The following MEGF6 variants were observed in gnomAD, a reference collection of about 807,000 sequenced individuals.
MEGF6 encodes multiple epidermal growth factor-like domains protein 6.
MEGF6 carries 184 observed loss-of-function variants against 207.1 expected under a neutral mutation model. The observed-to-expected ratio is 0.89, with a 90% confidence interval of 0.79 to 1.00. The LOEUF (loss-of-function observed/expected upper bound fraction) is 1.00, where lower values mean the gene tolerates loss of function less well. Ranked by LOEUF, MEGF6 falls within the 50% of genes least tolerant of loss-of-function variation. The pLI, the probability that MEGF6 is intolerant of heterozygous loss-of-function variation, is 0.00. For synonymous variants in MEGF6, 1,038 were observed against 910.0 expected, an observed-to-expected ratio of 1.14 and a Z score of -2.53; for missense variants, 2,282 against 2,202.9, an observed-to-expected ratio of 1.04 and a Z score of -0.72.
chr1:3,535,544 C>T (rs955976701), intron 4 of MEGF6, among the ~76,000 whole-genome samples: 1 of 152,200 alleles, frequency 6.6e-6, no homozygotes, highest in African/African-American at 2.4e-5. Flanking sequence ...GGGAGTCCCC[C>T]GCTTCTGCTC....
rs764133938 is a variant in MEGF6 at position 3,611,288 on chromosome 1, T to A, written c.-20A>T. Reference sequence around the variant, plus strand: ...CGACATCGTGCGCGCCGGTGCCTCCTCCGCTCTCCGGCTCACAGGCGGCCC... The same window carrying A: ...CGACATCGTGCGCGCCGGTGCCTCCACCGCTCTCCGGCTCACAGGCGGCCC... On this transcript the variant is annotated 5_prime_UTR_variant, in exon 1 of 37. Transcript: ENST00000356575. 2.8e-6 allele frequency: 4 copies of A among 1,437,888 alleles called. No individual in the cohort carries two copies. Among genetic ancestry groups the A allele is most frequent in the Non-Finnish European group, 3.6e-6 (4 of 1,102,358 alleles). The allele number at this position is 1,437,888 out of a possible 1,614,324, so 89.1% of individuals were successfully genotyped here.
chr1:3,522,178 G>A (rs1641775492), intron 5 of MEGF6, among the ~76,000 whole-genome samples: 2 of 152,310 alleles, frequency 1.3e-5, no homozygotes, highest in Admixed American at 6.5e-5. Flanking sequence ...GAGAAGGTGC[G>A]CTCCGAGGTC....
upstream of MEGF6, among the ~76,000 whole-genome samples, chr1:3,612,241 G>C (rs934959993): frequency 6.6e-6 from 1 of 151,468 alleles, no homozygotes; most frequent in Admixed American, 6.6e-5. Flanking sequence ...GGGTGGGCGC[G>C]GGGTCCCAGC....
chr1:3,499,600 G>C lies in MEGF6; in HGVS notation c.2953C>G (p.Arg985Gly), dbSNP rs748512126. 6.3e-7 allele frequency: 1 copy of C among 1,580,842 alleles called. No homozygotes were observed. The highest frequency in any genetic ancestry group is 1.2e-5 in the South Asian group (1 of 86,750). ...CLCPAGRRGP[R>G]CAETCPAHTY... ...GGACCTCACGCACTCTCGGCACAGC[G>C]GGGGCCCCGGCGGCCAGCGGGGCAG... The change falls in exon 23 of 37, where the codon CGC (arginine) becomes GGC (glycine). Residue 985 changes from arginine (R) to glycine (G), a missense_variant. Arg to Gly is a moderately radical substitution (Grantham distance 125). Coordinates refer to ENST00000356575, the MANE Select transcript of MEGF6 (RefSeq NM_001409.4).
intron 13 of MEGF6, 25 bp from the exon 14 acceptor site, chr1:3,507,948 C>A: frequency 6.2e-7 from 1 of 1,602,562 alleles, no homozygotes; most frequent in South Asian, 1.1e-5. Flanking sequence ...AGGGAAGCGT[C>A]AGGGTCACCA....
At chr1:3,608,357 T>C (rs148549527) in intron 1 of MEGF6, among the ~76,000 whole-genome samples, 1 of 152,110 alleles carries the variant, frequency 6.6e-6, no homozygotes, top group Non-Finnish European at 1.5e-5. Context: ...GTGAAACTCA[T>C]GGCCCTAAGG....
the MEGF6 span, among the ~76,000 whole-genome samples, chr1:3,621,381 C>A: frequency 6.6e-6 from 1 of 152,232 alleles, no homozygotes; most frequent in African/African-American, 2.4e-5. Context: ...TCGCACTTGT[C>A]TTCTGGTCAC....
chr1:3,535,055 C>T (rs1317458698), intron 4 of MEGF6, among the ~76,000 whole-genome samples: 1 of 152,182 alleles, frequency 6.6e-6, no homozygotes, highest in East Asian at 1.9e-4. Context: ...ATGGCCACAT[C>T]CCGGGGCATC....
chr1:3,616,031 T>C (rs1644375849), upstream of MEGF6, among the ~76,000 whole-genome samples: 1 of 152,138 alleles, frequency 6.6e-6, no homozygotes, highest in Non-Finnish European at 1.5e-5. Flanking sequence ...CTGGAAATAA[T>C]AAAAACAGCC....
At chr1:3,534,382 CTG>C (rs1642263931) in intron 4 of MEGF6, among the ~76,000 whole-genome samples, 1 of 152,192 alleles carries the variant, frequency 6.6e-6, no homozygotes, top group Admixed American at 6.5e-5. Flanking sequence ...CCCTGAGAAA[CTG>C]TGAGACAGCA....
intron 1 of MEGF6, among the ~76,000 whole-genome samples, chr1:3,604,702 C>T (rs1026234253): frequency 6.6e-6 from 1 of 152,148 alleles, no homozygotes; most frequent in South Asian, 2.1e-4. Flanking sequence ...GTGACAGTGA[C>T]CCCCTGATCT....
chr1:3,496,119 C>T (rs1640595207), intron 29 of MEGF6, 101 bp from the exon 30 acceptor site: 5 of 1,412,854 alleles, frequency 3.5e-6, no homozygotes, highest in African/African-American at 1.5e-5. Flanking sequence ...GTGAGGGGAC[C>T]CTGGGTCTGC....
intron 18 of MEGF6, among the ~76,000 whole-genome samples, 158 bp downstream of exon 18, chr1:3,501,638 C>A (rs1171208793): frequency 1.3e-5 from 2 of 151,352 alleles, no homozygotes; most frequent in Non-Finnish European, 2.9e-5. Flanking sequence ...CAGCCACAGA[C>A]CCCCCCTCCC....
At chr1:3,593,235 T>C (rs1442400382) in intron 3 of MEGF6, among the ~76,000 whole-genome samples, 1 of 151,552 alleles carries the variant, frequency 6.6e-6, no homozygotes, top group East Asian at 2.0e-4. Context: ...GGGGAGCGGC[T>C]GAACCAGCCT....
the MEGF6 span, chr1:3,624,578 C>T: frequency 6.6e-6 from 1 of 152,420 alleles, no homozygotes; most frequent in Non-Finnish European, 1.5e-5. Context: ...CCTCAGCTCC[C>T]CGGCACCGCG....
chr1:3,524,170 C>T lies in MEGF6; in HGVS notation c.558G>A (p.Glu186=). The T allele has an allele frequency of 5.0e-6, 8 of 1,612,968 alleles. No individual in the cohort carries two copies. Among genetic ancestry groups the T allele is most frequent in the South Asian group, 1.1e-5 (1 of 91,084 alleles). ...CVNTPGSYLC[E]CKPGFRLHTD... The stretch of plus-strand genomic sequence containing the variant: ...TGTGGAGCCGGAAGCCGGGCTTGCA[C>T]TCACAGAGGTAGGAGCCTGGGGTGT... The change falls in exon 5 of 37, where the codon GAG becomes GAA. Residue 186 remains glutamate (E), a synonymous_variant. Coordinates refer to ENST00000356575, the MANE Select transcript of MEGF6 (RefSeq NM_001409.4).
chr1:3,557,359 C>T (rs975057753), intron 4 of MEGF6, among the ~76,000 whole-genome samples: 6 of 152,226 alleles, frequency 3.9e-5, no homozygotes, highest in South Asian at 2.1e-4. Context: ...CAGCTTCCCC[C>T]GCAGAGCTCT....
At chr1:3,564,223 C>T (rs1309601451) in intron 4 of MEGF6, among the ~76,000 whole-genome samples, 17 of 84,504 alleles carry the variant, frequency 2.0e-4, no homozygotes, top group Admixed American at 4.4e-4. Context: ...AGGGCTGAGT[C>T]GGGGTGGGGG....
At chr1:3,494,813 C>A in intron 30 of MEGF6, 72 bp from the exon 31 acceptor site, 1 of 1,458,034 alleles carries the variant, frequency 6.9e-7, no homozygotes, top group Non-Finnish European at 9.1e-7. Flanking sequence ...TATGTCCCCA[C>A]AGGCTGACAG....
Sources: gnomAD v4.1 joint callset for allele counts (sites outside exome capture counted in the v4.1 genomes callset) on GRCh38, gnomAD v4.1.1 for gene constraint, MANE v1.5 for transcripts, NCBI Gene and HGNC (gene_info 2026-07-23, HGNC 2026-07-21) for gene names.